GDF11: variants seen among roughly 807,000 people sequenced by gnomAD.
The protein encoded by GDF11 is growth/differentiation factor 11.
GDF11 carries 12 observed loss-of-function variants against 34.4 expected under a neutral mutation model. That is an observed-to-expected ratio of 0.35 (90% confidence interval 0.22 to 0.57). GDF11 has a LOEUF of 0.57. GDF11 is among the 20% of genes least tolerant of loss of function. The pLI is 0.86. For synonymous variants in GDF11, 212 were observed against 231.1 expected, an observed-to-expected ratio of 0.92 and a Z score of 0.75; for missense variants, 346 against 548.2, an observed-to-expected ratio of 0.63 and a Z score of 3.68.
In GDF11 at chr12:55,743,563, A is replaced by G. The variant is rs1878111852; in HGVS notation, c.247A>G (p.Ile83Val). ...GCGCCTAGAGAGCATCAAGTCGCAG[A>G]TCTTGAGCAAACTGCGGCTCAAGGA... The part of the protein sequence containing the change: ...ELRLESIKSQ[I>V]LSKLRLKEAP... The change falls in exon 1 of 3, where the codon ATC becomes GTC. Residue 83 changes from isoleucine (I) to valine (V), a missense_variant. Ile to Val is a conservative substitution (Grantham distance 29). Transcript: ENST00000257868. 6.2e-7 allele frequency: 1 copy of G among 1,604,482 alleles called. No individual in the cohort carries two copies.
chr12:55,746,181 C>T (rs1386043425), intron 1 of GDF11, among the ~76,000 whole-genome samples: 1 of 152,152 alleles, frequency 6.6e-6, no homozygotes, highest in African/African-American at 2.4e-5. Context: ...GTGCTGGGTA[C>T]TCTCTCGAGC....
Position 55,756,266 on chromosome 12 carries a change from A to G in GDF11, c.*6384A>G, listed in dbSNP as rs1303760847. Reference sequence around the variant, plus strand: ...AGCATTCCCTTTTGTTCACTTCTCCAAAGTCTCAGAATGGGGCAAACTTCA... The same window carrying G: ...AGCATTCCCTTTTGTTCACTTCTCCGAAGTCTCAGAATGGGGCAAACTTCA... On this transcript the variant is annotated 3_prime_UTR_variant, in exon 3 of 3. Transcript: ENST00000257868. 1 of 152,218 alleles carries G rather than the reference A, an allele frequency of 6.6e-6. No individual in the cohort carries two copies. The highest frequency in any genetic ancestry group is 2.4e-5 in the African/African-American group (1 of 41,456). The allele number at this position is 152,218 out of a possible 1,614,324, so 9.4% of individuals were successfully genotyped here.
At chr12:55,747,560 A>G (rs1299515214) in intron 1 of GDF11, among the ~76,000 whole-genome samples, 4 of 152,170 alleles carry the variant, frequency 2.6e-5, no homozygotes, top group Non-Finnish European at 5.9e-5. Flanking sequence ...ATTCTGTCCA[A>G]TGGAGACATG....
In GDF11 at chr12:55,743,668, G is replaced by C. The variant is rs1471727535; in HGVS notation, c.352G>C (p.Asp118His). The C allele has an allele frequency of 6.2e-7, 1 of 1,603,830 alleles. No homozygotes were observed. Among genetic ancestry groups the C allele is most frequent in the Admixed American group, 1.7e-5 (1 of 60,004 alleles). Residue 118 changes from aspartate (D) to histidine (H), a missense_variant, in exon 1 of 3, where the codon GAC (aspartate) becomes CAC (histidine). Transcript: ENST00000257868. ...PPLQQILDLHDFQGDALQPED... is the reference protein window; with the variant it reads ...PPLQQILDLHHFQGDALQPED... ...GCTGCAGCAGATCCTGGACCTACAC[G>C]ACTTCCAGGGCGACGCGCTGCAGCC...
At chr12:55,744,384 C>T (rs959620049) in intron 1 of GDF11, among the ~76,000 whole-genome samples, 7 of 152,204 alleles carry the variant, frequency 4.6e-5, no homozygotes, top group Non-Finnish European at 7.3e-5. Context: ...ACTGACCGAG[C>T]TCGGAGAGCT....
At chr12:55,747,199 C>G (rs1017689161) in intron 1 of GDF11, among the ~76,000 whole-genome samples, 2 of 152,090 alleles carry the variant, frequency 1.3e-5, no homozygotes, top group East Asian at 3.8e-4. Context: ...TCTCACCCCC[C>G]AAACCCTACT....
At chr12:55,744,547 G>A (rs1878138411) in intron 1 of GDF11, among the ~76,000 whole-genome samples, 1 of 152,160 alleles carries the variant, frequency 6.6e-6, no homozygotes, top group Admixed American at 6.5e-5. Flanking sequence ...CAGGAACCCA[G>A]GCATCCGAGC....
intron 1 of GDF11, among the ~76,000 whole-genome samples, chr12:55,746,203 C>G (rs1878182654): frequency 6.6e-6 from 1 of 152,186 alleles, no homozygotes; most frequent in South Asian, 2.1e-4. Context: ...CCGTTTCCCT[C>G]TGTGGCTCTA....
At chr12:55,744,106 G>A (rs1878128135) in intron 1 of GDF11, among the ~76,000 whole-genome samples, 2 of 152,188 alleles carry the variant, frequency 1.3e-5, no homozygotes, top group Non-Finnish European at 2.9e-5. Context: ...TGGGGAGGCT[G>A]GAGAACAGAA....
Position 55,748,788 on chromosome 12 carries a change from G to GCGTCACATC in GDF11, c.652_660dup (p.His218_Arg220dup), listed in dbSNP as rs1565665711. 14 of 1,614,068 alleles carry GCGTCACATC rather than the reference G, an allele frequency of 8.7e-6. No individual in the cohort carries two copies. Among genetic ancestry groups the GCGTCACATC allele is most frequent in the Non-Finnish European group, 1.1e-5 (13 of 1,180,046 alleles). ...CCGCAGGGGGAGGGGGCGGAGGCCGGCGTCACATCCGTATCCGCTCACTGA... is the reference window on the plus strand; with the variant it reads ...CCGCAGGGGGAGGGGGCGGAGGCCGGCGTCACATCCGTCACATCCGTATCCGCTCACTGA... On this transcript the variant is annotated inframe_insertion, in exon 2 of 3. Transcript: ENST00000257868. The surrounding 1 kb of genome is among the most constrained non-coding windows in gnomAD (Gnocchi z 5.6).
In GDF11 at chr12:55,749,099, T is replaced by A; in HGVS notation, c.843+116T>A. 1.9e-6 allele frequency: 2 copies of A among 1,068,424 alleles called. No individual in the cohort carries two copies. The highest frequency in any genetic ancestry group is 2.6e-6 in the Non-Finnish European group (2 of 761,702). 66.2% of individuals were successfully genotyped at this position (1,068,424 alleles called of 1,614,324 possible). ...AGGTTGGGGACCAGCATTACTTCTCTGGGGTCAGCAGCTGATTCTAGAGGA... is the reference window on the plus strand; with the variant it reads ...AGGTTGGGGACCAGCATTACTTCTCAGGGGTCAGCAGCTGATTCTAGAGGA... On this transcript the variant is annotated intron_variant, in intron 2 of 2. Coordinates refer to ENST00000257868, the MANE Select transcript of GDF11 (RefSeq NM_005811.5). The surrounding 1 kb of genome is among the most constrained non-coding windows in gnomAD (Gnocchi z 5.6).
In GDF11 at chr12:55,744,647, C is replaced by A. The variant is rs896931165; in HGVS notation, c.445+886C>A. On this transcript the variant is annotated intron_variant, in intron 1 of 2. Coordinates refer to ENST00000257868, the MANE Select transcript of GDF11 (RefSeq NM_005811.5). ...AAATCCAGGCGAATACTACACCCCC[C>A]CTTTTCCAGCTCTCCTTAGGGTCAG... is the stretch of plus-strand genomic sequence containing the variant. Among the ~76,000 whole-genome samples the A allele has an allele frequency of 1.1e-4, 16 of 150,992 alleles. No individual in the cohort carries two copies. The South Asian group carries it at 2.5e-3, about 24-fold the overall frequency.
Position 55,743,524 on chromosome 12 carries a change from C to T in GDF11, c.208C>T (p.His70Tyr). 6.3e-7 allele frequency: 1 copy of T among 1,597,854 alleles called. No homozygotes were observed. Reference protein sequence around the residue: ...DGCPVCVWRQHSRELRLESIK... With the variant: ...DGCPVCVWRQYSRELRLESIK... ...CTGCCCCGTGTGCGTTTGGCGGCAG[C>T]ACAGCCGCGAGCTGCGCCTAGAGAG... Residue 70 changes from histidine to tyrosine, a missense_variant, in exon 1 of 3, where the codon CAC becomes TAC. Coordinates refer to ENST00000257868, the MANE Select transcript of GDF11 (RefSeq NM_005811.5).
chr12:55,747,237 C>T (rs1011573768), intron 1 of GDF11, among the ~76,000 whole-genome samples: 1 of 151,528 alleles, frequency 6.6e-6, no homozygotes, highest in Non-Finnish European at 1.5e-5. Flanking sequence ...AAGCTCCAGC[C>T]AGTAAAATAA....
chr12:55,747,415 A>T (rs1448858865), intron 1 of GDF11, among the ~76,000 whole-genome samples: 1 of 152,172 alleles, frequency 6.6e-6, no homozygotes, highest in Non-Finnish European at 1.5e-5. Context: ...AGCTGACAGG[A>T]CACCCTAAGT....
rs35350773 is a variant in GDF11, at chr12:55,753,770, CAAAAAAAAAAAAAAA to C, written c.*3899_*3913del. 2 of 51,116 alleles carry C rather than the reference CAAAAAAAAAAAAAAA, an allele frequency of 3.9e-5. No homozygotes were observed. The highest frequency in any genetic ancestry group is 7.1e-5 in the Non-Finnish European group (2 of 28,192). The allele number at this position is 51,116 out of a possible 1,614,324, so 3.2% of individuals were successfully genotyped here. A position where few individuals can be genotyped will look rare whatever the true frequency, so the allele number is the denominator to read the frequency against. On this transcript the variant is annotated 3_prime_UTR_variant, in exon 3 of 3. Coordinates refer to ENST00000257868, the MANE Select transcript of GDF11 (RefSeq NM_005811.5). ...GGTGACAGAGTGAGACTCCCATCTC[CAAAAAAAAAAAAAAA>C]AAAAAAAAAAGGAAAGCAGGACCCA...
chr12:55,746,239 T>C (rs1878183504), intron 1 of GDF11, among the ~76,000 whole-genome samples: 1 of 152,206 alleles, frequency 6.6e-6, no homozygotes, highest in Non-Finnish European at 1.5e-5. Flanking sequence ...TTCCTCAGTC[T>C]GTACCCTTTC....
Position 55,753,795 on chromosome 12 carries a change from A to AC in GDF11, c.*3913_*3914insC. On this transcript the variant is annotated 3_prime_UTR_variant, in exon 3 of 3. Transcript: ENST00000257868. ...CAAAAAAAAAAAAAAAAAAAAAAAAAGGAAAGCAGGACCCAGTGGTGTGCT... is the reference window on the plus strand; with the variant it reads ...CAAAAAAAAAAAAAAAAAAAAAAAAACGGAAAGCAGGACCCAGTGGTGTGCT... 2 of 149,288 alleles carry AC rather than the reference A, an allele frequency of 1.3e-5. No homozygotes were observed. Among genetic ancestry groups the AC allele is most frequent in the African/African-American group, 4.9e-5 (2 of 40,626 alleles). 9.2% of individuals were successfully genotyped at this position (149,288 alleles called of 1,614,324 possible). A position where few individuals can be genotyped will look rare whatever the true frequency, so the allele number is the denominator to read the frequency against.
Position 55,752,520 on chromosome 12 carries a change from AC to A in GDF11, c.*2643del, listed in dbSNP as rs1183273604. The A allele has an allele frequency of 5.3e-5, 8 of 151,818 alleles. No individual in the cohort carries two copies. Among genetic ancestry groups the A allele is most frequent in the African/African-American group, 1.9e-4 (8 of 41,288 alleles). The allele number at this position is 151,818 out of a possible 1,614,324, so 9.4% of individuals were successfully genotyped here. A position where few individuals can be genotyped will look rare whatever the true frequency, so the allele number is the denominator to read the frequency against. Reference sequence around the variant, plus strand: ...GCTCAGCAACCCAGTGGGAGTTAGCACCCCCTCCCACCTTATGATGTGTGTG... The same window carrying A: ...GCTCAGCAACCCAGTGGGAGTTAGCACCCCTCCCACCTTATGATGTGTGTG... On this transcript the variant is annotated 3_prime_UTR_variant, in exon 3 of 3. Transcript: ENST00000257868.
Sources: gnomAD v4.1 joint callset for allele counts (sites outside exome capture counted in the v4.1 genomes callset) on GRCh38, gnomAD v4.1.1 for gene constraint, Gnocchi (gnomAD v3.1) non-coding constraint, MANE v1.5 for transcripts, NCBI Gene and HGNC (gene_info 2026-07-23, HGNC 2026-07-21) for gene names.